CFAP20DC: variants seen among roughly 807,000 people sequenced by gnomAD.
The protein encoded by CFAP20DC is CFAP20 domain containing.
A neutral mutation model predicts 101.7 loss-of-function variants in CFAP20DC; 84 were observed. That is an observed-to-expected ratio of 0.83 (90% CI 0.69 to 0.99). The LOEUF (loss-of-function observed/expected upper bound fraction) is 0.99. Ranked by LOEUF, CFAP20DC falls within the 50% of genes least tolerant of loss-of-function variation. CFAP20DC has a pLI of 0.00. For missense variants in CFAP20DC, 1,007 were observed against 970.3 expected, an observed-to-expected ratio of 1.04 and a Z score of -0.50; for synonymous variants, 359 against 351.2, an observed-to-expected ratio of 1.02 and a Z score of -0.25.
At chr3:58,988,161 G>A (rs776146781) in intron 4 of CFAP20DC, among the ~76,000 whole-genome samples, 2 of 152,054 alleles carry the variant, frequency 1.3e-5, no homozygotes, top group African/African-American at 4.8e-5. Context: ...TATCTGTAAT[G>A]TCATCCATGA....
Position 58,717,791 on chromosome 3 carries a change from A to G in CFAP20DC, c.198-163T>C, listed in dbSNP as rs1243837570. ...CTTATTAGCTAGAACTGGTGACTTG[A>G]TCATCTCCAGCTGGATGAGACTCTG... is the stretch of plus-strand genomic sequence containing the variant. On this transcript the variant is annotated intron_variant, in intron 3 of 3. Coordinates refer to the CFAP20DC transcript ENST00000486145. This position sits in a 1 kb window ranked among gnomAD's most constrained non-coding sequence, Gnocchi z 4.1. Among the ~76,000 whole-genome samples, 1 of 152,158 alleles carries G rather than the reference A, an allele frequency of 6.6e-6. No homozygotes were observed. Among genetic ancestry groups the G allele is most frequent in the Non-Finnish European group, 1.5e-5 (1 of 68,034 alleles).
At chr3:58,934,657 A>G (rs1159912730) in intron 5 of CFAP20DC, among the ~76,000 whole-genome samples, 1 of 152,238 alleles carries the variant, frequency 6.6e-6, no homozygotes, top group Non-Finnish European at 1.5e-5. Context: ...TATAAACAGA[A>G]CCAAAGACAA....
chr3:58,722,321 C>A lies in CFAP20DC; in HGVS notation c.198-4693G>T, dbSNP rs1054456450. 1.3e-5 allele frequency among the ~76,000 whole-genome samples: 2 copies of A among 152,158 alleles called. No individual in the cohort carries two copies. The highest frequency in any genetic ancestry group is 4.8e-5 in the African/African-American group (2 of 41,430). Reference sequence around the variant, plus strand: ...AGCTGAGTTAAGCTGTCCACGGAACCCATGCGTGTACTACTATGGTAGTGG... The same window carrying A: ...AGCTGAGTTAAGCTGTCCACGGAACACATGCGTGTACTACTATGGTAGTGG... On this transcript the variant is annotated intron_variant, in intron 3 of 3. Transcript: ENST00000486145. The surrounding 1 kb of genome is among the most constrained non-coding windows in gnomAD (Gnocchi z 4.5).
At chr3:58,884,493 T>C in intron 7 of CFAP20DC, 52 bp downstream of exon 7, 3 of 1,544,686 alleles carry the variant, frequency 1.9e-6, no homozygotes, top group Non-Finnish European at 2.7e-6. Flanking sequence ...TCACACTTTA[T>C]GGGAGAGATG....
chr3:58,720,398 G>T (rs1369750842), intron 3 of CFAP20DC, among the ~76,000 whole-genome samples: 1 of 152,210 alleles, frequency 6.6e-6, no homozygotes, highest in East Asian at 1.9e-4. Context: ...TGATGGCCTT[G>T]ATACAGGTTC....
intron 4 of CFAP20DC, among the ~76,000 whole-genome samples, chr3:58,991,484 T>C (rs1303366297): frequency 2.6e-5 from 4 of 152,254 alleles, no homozygotes; most frequent in African/African-American, 9.6e-5. Flanking sequence ...CTTCATGGTC[T>C]ATATTTGCTT....
At chr3:58,952,400 C>T (rs529423212) in intron 4 of CFAP20DC, among the ~76,000 whole-genome samples, 1 of 152,126 alleles carries the variant, frequency 6.6e-6, no homozygotes, top group Non-Finnish European at 1.5e-5. Context: ...ACTGTAGATG[C>T]CACCCACCTG....
intron 16 of CFAP20DC, among the ~76,000 whole-genome samples, chr3:58,748,003 T>C (rs1023656807): frequency 2.0e-5 from 3 of 152,220 alleles, no homozygotes; most frequent in Non-Finnish European, 4.4e-5. Context: ...AATAGGTACA[T>C]TACCCCTTTT....
At chr3:58,825,684 G>T (rs943580105) in intron 14 of CFAP20DC, among the ~76,000 whole-genome samples, 2 of 152,128 alleles carry the variant, frequency 1.3e-5, no homozygotes, top group African/African-American at 4.8e-5. Context: ...TAAATCTCAC[G>T]AGGGCTACTC....
chr3:58,952,122 T>A (rs1045334933), intron 4 of CFAP20DC, among the ~76,000 whole-genome samples: 17 of 152,144 alleles, frequency 1.1e-4, no homozygotes, highest in African/African-American at 4.1e-4. Flanking sequence ...TATTACAAAT[T>A]CATCATCAGC....
intron 14 of CFAP20DC, among the ~76,000 whole-genome samples, chr3:58,827,361 C>T (rs1475366517): frequency 7.0e-6 from 1 of 142,502 alleles, no homozygotes; most frequent in Non-Finnish European, 1.5e-5. Context: ...GCATGGCTCA[C>T]CAACTGACAG....
chr3:58,816,154 C>G (rs6805446), intron 14 of CFAP20DC, among the ~76,000 whole-genome samples: 2,006 of 151,564 alleles, frequency 0.013, 69 homozygotes, highest in African/African-American at 0.045. Context: ...ATGTGGCACA[C>G]ATACACCATG....
intron 13 of CFAP20DC, among the ~76,000 whole-genome samples, chr3:58,843,638 G>A (rs1231551567): frequency 1.6e-4 from 24 of 151,702 alleles, no homozygotes; most frequent in Non-Finnish European, 1.3e-4. Flanking sequence ...GCAGGCCAAC[G>A]TTCAGATTCA....
chr3:58,936,989 A>C (rs1026267968), intron 5 of CFAP20DC, among the ~76,000 whole-genome samples: 1 of 152,156 alleles, frequency 6.6e-6, no homozygotes, highest in African/African-American at 2.4e-5. Context: ...GTTGATTTAA[A>C]GGAAAGTATC....
At chr3:58,993,315 G>A (rs1305036804) in intron 4 of CFAP20DC, among the ~76,000 whole-genome samples, 1 of 152,096 alleles carries the variant, frequency 6.6e-6, no homozygotes, top group Non-Finnish European at 1.5e-5. Context: ...AACAAAGCCT[G>A]TAAACTCTGA....
At chr3:58,920,530 T>C (rs1020007251) in intron 5 of CFAP20DC, among the ~76,000 whole-genome samples, 8 of 152,214 alleles carry the variant, frequency 5.3e-5, no homozygotes, top group African/African-American at 1.9e-4. Flanking sequence ...CCTAGTTTAA[T>C]GTAAATATTT....
intron 4 of CFAP20DC, among the ~76,000 whole-genome samples, chr3:58,938,947 A>G (rs1243034072): frequency 6.6e-6 from 1 of 152,224 alleles, no homozygotes; most frequent in African/African-American, 2.4e-5. Flanking sequence ...TTTAAAATGC[A>G]GAAGTATTAA....
intron 4 of CFAP20DC, chr3:59,018,955 C>T (rs1378057938): frequency 6.6e-6 from 1 of 152,036 alleles, no homozygotes; most frequent in African/African-American, 2.4e-5. Context: ...CAATCACACA[C>T]ATACAGAAAA....
chr3:58,907,617 AG>A (rs1396199381), intron 6 of CFAP20DC, among the ~76,000 whole-genome samples: 1 of 152,236 alleles, frequency 6.6e-6, no homozygotes, highest in Non-Finnish European at 1.5e-5. Context: ...AAGTTGGTGC[AG>A]GATCACAGCA....
Sources: allele counts gnomAD v4.1 joint callset (sites outside exome capture counted in the v4.1 genomes callset), GRCh38; gene constraint gnomAD v4.1.1; non-coding constraint Gnocchi (gnomAD v3.1); transcripts MANE v1.5; gene names NCBI Gene and HGNC (gene_info 2026-07-23, HGNC 2026-07-21).